The following PCCA variants were observed in gnomAD, a reference collection of about 807,000 sequenced individuals.
PCCA encodes the protein propionyl-CoA carboxylase subunit alpha.
In PCCA, 74 loss-of-function variants were observed where a neutral mutation model predicts 101.3. The observed-to-expected ratio is 0.73, with a 90% CI of 0.61 to 0.89. PCCA has a LOEUF of 0.89. PCCA is among the 40% of genes least tolerant of loss of function. The pLI is 0.00. For missense variants in PCCA, 891 were observed against 907.0 expected (o/e 0.98, Z 0.23); for synonymous variants, 294 against 313.6 (o/e 0.94, Z 0.66).
chr13:100,229,655 A>G (rs529538493), intron 7 of PCCA, among the ~76,000 whole-genome samples: 26 of 152,216 alleles, frequency 1.7e-4, no homozygotes, highest in African/African-American at 6.0e-4. Flanking sequence ...TTGTTAGCCA[A>G]TTGGGACAAA....
intron 6 of PCCA, among the ~76,000 whole-genome samples, chr13:100,196,051 C>A (rs149724864): frequency 0.019 from 2,953 of 152,258 alleles, 39 homozygotes; most frequent in Middle Eastern, 0.051. Flanking sequence ...ATAGAAAGAA[C>A]ATTTCCAAAA....
At chr13:100,508,108 T>A (rs2086217404) in intron 21 of PCCA, among the ~76,000 whole-genome samples, 1 of 152,154 alleles carries the variant, frequency 6.6e-6, no homozygotes, top group South Asian at 2.1e-4. Context: ...GACAACCCCA[T>A]ATTCTTCCCT....
At chr13:100,398,318 C>G (rs1003067038) in intron 19 of PCCA, among the ~76,000 whole-genome samples, 2 of 152,136 alleles carry the variant, frequency 1.3e-5, no homozygotes, top group Admixed American at 1.3e-4. Flanking sequence ...TATATGCATA[C>G]CACAGCACAT....
At chr13:100,478,506 G>A (rs1006605598) in intron 21 of PCCA, among the ~76,000 whole-genome samples, 1 of 152,198 alleles carries the variant, frequency 6.6e-6, no homozygotes, top group Admixed American at 6.5e-5. Context: ...GAGGTGGGAA[G>A]ACCTGTGTCC....
intron 4 of PCCA, among the ~76,000 whole-genome samples, chr13:100,133,569 AG>A (rs2050779824): frequency 6.6e-6 from 1 of 152,140 alleles, no homozygotes; most frequent in Non-Finnish European, 1.5e-5. Flanking sequence ...TAAGATTTGC[AG>A]TCGGTTTTTT....
chr13:100,172,600 A>G (rs1429207160), intron 6 of PCCA, among the ~76,000 whole-genome samples: 3 of 152,240 alleles, frequency 2.0e-5, no homozygotes. Flanking sequence ...GAAGTTTTAA[A>G]TGGAGTAGTA....
chr13:100,276,424 C>T lies in PCCA; in HGVS notation c.1065+3078C>T, dbSNP rs536061793. Among the ~76,000 whole-genome samples the T allele has an allele frequency of 1.4e-4, 21 of 151,948 alleles. No individual in the cohort carries two copies. In the East Asian group the frequency reaches 2.3e-3, roughly 17 times the overall value. On this transcript the variant is annotated intron_variant, in intron 12 of 23. Transcript: ENST00000376285. ...GATTTCCTTTAACTTTTTGCTGATTCGTGTACATGTATACATGGAATTCAT... is the reference window on the plus strand; with the variant it reads ...GATTTCCTTTAACTTTTTGCTGATTTGTGTACATGTATACATGGAATTCAT...
chr13:100,257,834 C>G (rs1219965696), intron 9 of PCCA, among the ~76,000 whole-genome samples, 161 bp downstream of exon 9: 1 of 152,076 alleles, frequency 6.6e-6, no homozygotes, highest in Non-Finnish European at 1.5e-5. Flanking sequence ...ATGTGGAAAC[C>G]TTCCTTATTT....
intron 18 of PCCA, among the ~76,000 whole-genome samples, chr13:100,350,627 A>C (rs189505675): frequency 1.3e-5 from 2 of 152,374 alleles, no homozygotes; most frequent in East Asian, 3.9e-4. Context: ...ATTTTTGCTT[A>C]CTATTACATT....
intron 7 of PCCA, among the ~76,000 whole-genome samples, chr13:100,222,051 A>C (rs2059848991): frequency 2.0e-5 from 3 of 150,278 alleles, no homozygotes; most frequent in Admixed American, 1.3e-4. Flanking sequence ...GGTGGAAATA[A>C]TTTTTTTTGA....
intron 6 of PCCA, among the ~76,000 whole-genome samples, chr13:100,164,373 GGTA>G (rs1206174221): frequency 2.6e-5 from 4 of 152,164 alleles, no homozygotes; most frequent in Admixed American, 2.6e-4. Context: ...GAGTGGCAGT[GGTA>G]GTTTAAAAAC....
At chr13:100,179,162 G>A (rs1251094938) in intron 6 of PCCA, among the ~76,000 whole-genome samples, 1 of 151,044 alleles carries the variant, frequency 6.6e-6, no homozygotes, top group African/African-American at 2.4e-5. Context: ...GAATAATAAA[G>A]TTAAGTATTT....
chr13:100,342,750 T>C (rs1398204765), intron 18 of PCCA, among the ~76,000 whole-genome samples: 1 of 146,684 alleles, frequency 6.8e-6, no homozygotes, highest in Admixed American at 6.9e-5. Context: ...AGATGAAGTC[T>C]TGCTTTTGTC....
chr13:100,091,977 G>A (rs531752011), intron 1 of PCCA, among the ~76,000 whole-genome samples: 1 of 151,960 alleles, frequency 6.6e-6, no homozygotes, highest in Admixed American at 6.6e-5. Flanking sequence ...CTGGAGTGCA[G>A]TGGCGCGATC....
intron 4 of PCCA, among the ~76,000 whole-genome samples, chr13:100,131,380 G>C (rs1037908947): frequency 5.3e-5 from 8 of 152,140 alleles, no homozygotes; most frequent in East Asian, 1.9e-4. Context: ...TTCCAAGAAC[G>C]AAGGGTGGTG....
At chr13:100,421,723 C>T (rs906791623) in intron 19 of PCCA, among the ~76,000 whole-genome samples, 2 of 152,014 alleles carry the variant, frequency 1.3e-5, no homozygotes, top group Non-Finnish European at 2.9e-5. Context: ...CCCGCTCTGT[C>T]GTGCAGGCTG....
chr13:100,444,800 A>G (rs1202266832), intron 20 of PCCA, among the ~76,000 whole-genome samples: 1 of 152,112 alleles, frequency 6.6e-6, no homozygotes, highest in Non-Finnish European at 1.5e-5. Context: ...TGCTGGGATT[A>G]TAGGTGTGAG....
intron 21 of PCCA, among the ~76,000 whole-genome samples, chr13:100,467,795 A>G (rs988729339): frequency 4.6e-5 from 7 of 152,204 alleles, no homozygotes; most frequent in Non-Finnish European, 5.9e-5. Context: ...TGAGGGTTAG[A>G]ATCCAGTTCT....
chr13:100,171,644 T>C (rs755070533), intron 6 of PCCA, among the ~76,000 whole-genome samples: 3 of 152,208 alleles, frequency 2.0e-5, no homozygotes, highest in Non-Finnish European at 4.4e-5. Context: ...ATCCTAGCAG[T>C]TCGGGAGGCT....
Sources: gnomAD v4.1 joint callset for allele counts (sites outside exome capture counted in the v4.1 genomes callset) on GRCh38, gnomAD v4.1.1 for gene constraint, MANE v1.5 for transcripts, NCBI Gene and HGNC (gene_info 2026-07-23, HGNC 2026-07-21) for gene names.